The following ADGRB3 variants were observed in gnomAD, a reference collection of about 807,000 sequenced individuals.
ADGRB3 encodes brain-specific angiogenesis inhibitor 3.
In ADGRB3, 37 loss-of-function variants were observed where a neutral mutation model predicts 193.4. That is an observed-to-expected ratio of 0.19 (90% CI 0.15 to 0.25). ADGRB3 has a LOEUF of 0.25. Among genes scored for constraint, ADGRB3 ranks in the 10% least tolerant of loss-of-function variants. The pLI, the probability that ADGRB3 is intolerant of heterozygous loss-of-function variation, is 1.00. For synonymous variants in ADGRB3, 690 were observed against 644.2 expected (o/e 1.07, Z -1.08); for missense variants, 1,637 against 1,852.9 (o/e 0.88, Z 2.14).
chr6:68,935,191 G>T (rs1767454002), intron 4 of ADGRB3, among the ~76,000 whole-genome samples: 1 of 152,122 alleles, frequency 6.6e-6, no homozygotes, highest in Non-Finnish European at 1.5e-5. Flanking sequence ...GTTTACATCA[G>T]AATGTAAAAC....
At chr6:69,080,827 A>T (rs1772366039) in intron 17 of ADGRB3, among the ~76,000 whole-genome samples, 1 of 152,058 alleles carries the variant, frequency 6.6e-6, no homozygotes, top group Admixed American at 6.6e-5. Context: ...TGTTTAGTAC[A>T]TGTTAACATG....
At chr6:69,284,427 G>T (rs953722840) in intron 20 of ADGRB3, among the ~76,000 whole-genome samples, 4 of 152,022 alleles carry the variant, frequency 2.6e-5, no homozygotes, top group African/African-American at 9.7e-5. Flanking sequence ...TGATCTGCTT[G>T]ACTACCGGCA....
intron 20 of ADGRB3, among the ~76,000 whole-genome samples, chr6:69,249,428 A>G (rs748995481): frequency 1.3e-5 from 2 of 152,264 alleles, no homozygotes; most frequent in Non-Finnish European, 2.9e-5. Flanking sequence ...AGTTAAAAGT[A>G]GCTAACAAAT....
chr6:69,313,814 A>G (rs1042477655), intron 20 of ADGRB3, among the ~76,000 whole-genome samples: 4 of 151,788 alleles, frequency 2.6e-5, no homozygotes, highest in Non-Finnish European at 5.9e-5. Flanking sequence ...TTTGAAATAC[A>G]TATACATTGT....
chr6:69,332,256 C>G (rs1768747990), intron 23 of ADGRB3: 2 of 985,128 alleles, frequency 2.0e-6, no homozygotes, highest in African/African-American at 1.7e-5. Context: ...TGCAAAAGAC[C>G]TTTTAAGTGA....
At chr6:69,025,130 T>A (rs1435273567) in intron 13 of ADGRB3, among the ~76,000 whole-genome samples, 1 of 151,518 alleles carries the variant, frequency 6.6e-6, no homozygotes, top group Non-Finnish European at 1.5e-5. Flanking sequence ...TAAAATAAAA[T>A]AAATATTAAG....
At chr6:69,230,295 C>T (rs73745985) in intron 17 of ADGRB3, among the ~76,000 whole-genome samples, 21,453 of 151,972 alleles carry the variant, frequency 0.14, 1,582 homozygotes, top group Middle Eastern at 0.16. Flanking sequence ...ACAAACTAGA[C>T]GCCATAATTA....
intron 3 of ADGRB3, among the ~76,000 whole-genome samples, chr6:68,911,035 T>C (rs1004641396): frequency 1.3e-5 from 2 of 151,804 alleles, no homozygotes; most frequent in Admixed American, 6.6e-5. Context: ...TTCCTACCCA[T>C]GAGCATGGAA....
At chr6:68,777,592 C>T (rs1056138422) in intron 3 of ADGRB3, among the ~76,000 whole-genome samples, 7 of 149,504 alleles carry the variant, frequency 4.7e-5, no homozygotes, top group Non-Finnish European at 7.4e-5. Context: ...AATAAATATG[C>T]CCTTCTTTAG....
chr6:68,689,251 G>C (rs935114621), intron 3 of ADGRB3, among the ~76,000 whole-genome samples: 8 of 152,068 alleles, frequency 5.3e-5, no homozygotes, highest in African/African-American at 1.9e-4. Flanking sequence ...GGGAGGGTAG[G>C]TGTCATTAGA....
At chr6:69,026,715 T>C (rs1189047065) in intron 13 of ADGRB3, among the ~76,000 whole-genome samples, 1 of 152,186 alleles carries the variant, frequency 6.6e-6, no homozygotes, top group East Asian at 1.9e-4. Context: ...GTATAGCCTA[T>C]TGCTCCTAGG....
chr6:68,915,589 G>A (rs2150239654), intron 3 of ADGRB3, among the ~76,000 whole-genome samples: 1 of 152,266 alleles, frequency 6.6e-6, no homozygotes, highest in East Asian at 1.9e-4. Context: ...TTGTTGCGTA[G>A]ACAGGAGAGT....
intron 3 of ADGRB3, among the ~76,000 whole-genome samples, chr6:68,807,204 T>C (rs1232695271): frequency 6.6e-6 from 1 of 151,208 alleles, no homozygotes; most frequent in African/African-American, 2.4e-5. Flanking sequence ...TTAAAATGGA[T>C]GTTAATTTTT....
chr6:68,728,169 A>G (rs1765707118), intron 3 of ADGRB3, among the ~76,000 whole-genome samples: 1 of 151,502 alleles, frequency 6.6e-6, no homozygotes, highest in Non-Finnish European at 1.5e-5. Context: ...TTTGAAAAAA[A>G]ATATTGACAG....
chr6:68,945,094 C>T (rs1286701110), intron 6 of ADGRB3, among the ~76,000 whole-genome samples: 2 of 151,834 alleles, frequency 1.3e-5, no homozygotes, highest in Non-Finnish European at 2.9e-5. Flanking sequence ...ATATATAAAA[C>T]GTGAAGAATA....
At chr6:69,021,833 A>C (rs1417788337) in intron 13 of ADGRB3, among the ~76,000 whole-genome samples, 1 of 151,918 alleles carries the variant, frequency 6.6e-6, no homozygotes, top group African/African-American at 2.4e-5. Context: ...CTTTTGATAA[A>C]TGAAATGCTC....
At chr6:69,256,935 A>G (rs779450) in intron 20 of ADGRB3, among the ~76,000 whole-genome samples, 48,453 of 151,518 alleles carry the variant, frequency 0.32, 8,159 homozygotes, top group African/African-American at 0.38. Flanking sequence ...TTTGTCAAAG[A>G]CCTTTTCTGC....
intron 20 of ADGRB3, among the ~76,000 whole-genome samples, chr6:69,280,146 T>C (rs1164515019): frequency 6.6e-6 from 1 of 152,178 alleles, no homozygotes; most frequent in African/African-American, 2.4e-5. Context: ...CAAAGTTTGC[T>C]CTCTATTCTG....
chr6:68,963,046 G>A (rs138709824), intron 8 of ADGRB3, among the ~76,000 whole-genome samples: 1 of 152,218 alleles, frequency 6.6e-6, no homozygotes, highest in African/African-American at 2.4e-5. Flanking sequence ...TGTGTCATCT[G>A]GAGTGATTCC....
Sources: gnomAD v4.1 joint callset for allele counts (sites outside exome capture counted in the v4.1 genomes callset) on GRCh38, gnomAD v4.1.1 for gene constraint, MANE v1.5 for transcripts, NCBI Gene and HGNC (gene_info 2026-07-23, HGNC 2026-07-21) for gene names.